ZNF609: variants seen among roughly 807,000 people sequenced by gnomAD.
The protein encoded by ZNF609 is zinc finger protein 609.
In ZNF609, 11 loss-of-function variants were observed where a neutral mutation model predicts 109.5. The observed-to-expected ratio is 0.10, with a 90% CI of 0.06 to 0.17. ZNF609 has a LOEUF of 0.17. Among genes scored for constraint, ZNF609 ranks in the 10% least tolerant of loss-of-function variants. ZNF609 has a pLI of 1.00. For missense variants in ZNF609, 1,559 were observed against 1,772.4 expected, an observed-to-expected ratio of 0.88 and a Z score of 2.16; for synonymous variants, 646 against 662.0, an observed-to-expected ratio of 0.98 and a Z score of 0.37.
At chr15:64,492,087 CAA>C (rs1169949024) in intron 1 of ZNF609, among the ~76,000 whole-genome samples, 1 of 151,490 alleles carries the variant, frequency 6.6e-6, no homozygotes. Context: ...ACTAAAAGTA[CAA>C]AAAATTAGCC....
At chr15:64,585,414 T>A (rs1271717870) in intron 2 of ZNF609, among the ~76,000 whole-genome samples, 1 of 152,202 alleles carries the variant, frequency 6.6e-6, no homozygotes, top group Non-Finnish European at 1.5e-5. Context: ...AATGGTCTTA[T>A]GCTGAGGGTA....
chr15:64,600,542 A>G (rs956781848), intron 2 of ZNF609, among the ~76,000 whole-genome samples: 2 of 150,734 alleles, frequency 1.3e-5, no homozygotes, highest in African/African-American at 4.9e-5. Context: ...AGGCTGAGGC[A>G]CAAGAATCAC....
At position 64,676,525 on chromosome 15, in the gene ZNF609, G is replaced by A. The variant is rs1896812730; in HGVS notation, c.3402+269G>A. ...GGCTCACTACAACCTCCGCCTCCCA[G>A]GTTCAAGCAATTCTCCTGCCTCAGC... On this transcript the variant is annotated intron_variant, in intron 5 of 9. Transcript: ENST00000326648. Among the ~76,000 whole-genome samples, 8 of 152,198 alleles carry A rather than the reference G, an allele frequency of 5.3e-5. No homozygotes were observed. The South Asian group carries it at 1.7e-3, about 32-fold the overall frequency.
intron 2 of ZNF609, among the ~76,000 whole-genome samples, chr15:64,569,942 T>C (rs1049432451): frequency 2.0e-5 from 3 of 152,242 alleles, no homozygotes; most frequent in African/African-American, 7.2e-5. Flanking sequence ...TAAGCTTTAA[T>C]TTATTGCTCT....
At chr15:64,509,542 A>T (rs963842493) in intron 2 of ZNF609, among the ~76,000 whole-genome samples, 1 of 152,246 alleles carries the variant, frequency 6.6e-6, no homozygotes, top group African/African-American at 2.4e-5. Context: ...CAATGAATTT[A>T]TGATAGCTAA....
chr15:64,586,286 A>G (rs1197580596), intron 2 of ZNF609, among the ~76,000 whole-genome samples: 1 of 151,150 alleles, frequency 6.6e-6, no homozygotes, highest in African/African-American at 2.4e-5. Flanking sequence ...AGATCGCGCC[A>G]TTGCACTCTA....
chr15:64,553,165 G>C (rs1005601105), intron 2 of ZNF609, among the ~76,000 whole-genome samples: 1 of 151,596 alleles, frequency 6.6e-6, no homozygotes, highest in African/African-American at 2.4e-5. Flanking sequence ...TATAATAAAT[G>C]TTGAAGTCAT....
intron 3 of ZNF609, among the ~76,000 whole-genome samples, chr15:64,663,496 G>C (rs568385169): frequency 2.8e-4 from 43 of 152,266 alleles, no homozygotes; most frequent in African/African-American, 9.9e-4. Flanking sequence ...TCTCCATTTA[G>C]ACGTCCAATG....
intron 2 of ZNF609, among the ~76,000 whole-genome samples, chr15:64,570,311 A>G (rs1311923416): frequency 6.6e-6 from 1 of 152,240 alleles, no homozygotes; most frequent in Non-Finnish European, 1.5e-5. Context: ...ACTACCTCTC[A>G]TTATATCTTT....
chr15:64,516,523 G>A (rs1472295099), intron 2 of ZNF609, among the ~76,000 whole-genome samples: 3 of 152,014 alleles, frequency 2.0e-5, no homozygotes, highest in African/African-American at 4.8e-5. Flanking sequence ...ACAGGCATGC[G>A]CCACCACCCA....
intron 3 of ZNF609, among the ~76,000 whole-genome samples, chr15:64,668,613 A>G (rs1310248545): frequency 6.6e-6 from 1 of 152,134 alleles, no homozygotes; most frequent in Non-Finnish European, 1.5e-5. Context: ...CTTGAGCCCG[A>G]GTTTGAGCCC....
At chr15:64,627,675 T>TTTC (rs1409018022) in intron 3 of ZNF609, among the ~76,000 whole-genome samples, 2 of 141,078 alleles carry the variant, frequency 1.4e-5, no homozygotes, top group Non-Finnish European at 3.1e-5. Flanking sequence ...TTTTTTTTTT[T>TTTC]TTTTTTTTTT....
At chr15:64,607,203 T>C (rs568104966) in intron 2 of ZNF609, among the ~76,000 whole-genome samples, 1 of 151,616 alleles carries the variant, frequency 6.6e-6, no homozygotes, top group Non-Finnish European at 1.5e-5. Flanking sequence ...AAATAAATAA[T>C]AGAACTATCA....
chr15:64,562,615 A>G (rs934803761), intron 2 of ZNF609, among the ~76,000 whole-genome samples: 13 of 152,128 alleles, frequency 8.5e-5, no homozygotes, highest in Admixed American at 7.9e-4. Context: ...ATATAATTAT[A>G]TTACACTTCT....
Position 64,681,429 on chromosome 15 carries a change from G to A in ZNF609, c.*5+42G>A, listed in dbSNP as rs775975321. On this transcript the variant is annotated intron_variant, in intron 9 of 9. Transcript: ENST00000326648. ...AATTTGGGGCAACACATAAAGCCGG[G>A]ATAGTTGCTACCTGGATCACAGAAT... The A allele has an allele frequency of 4.6e-6, 7 of 1,527,716 alleles. No homozygotes were observed. The South Asian group carries it at 6.7e-5, about 15-fold the overall frequency. 94.6% of individuals were successfully genotyped at this position (1,527,716 alleles called of 1,614,324 possible).
At chr15:64,462,202 A>T (rs1052617503) in intron 1 of ZNF609, among the ~76,000 whole-genome samples, 2 of 152,188 alleles carry the variant, frequency 1.3e-5, no homozygotes, top group African/African-American at 4.8e-5. Context: ...GTGAGGAACA[A>T]TGCAGAGCTC....
rs577610424 is a variant in ZNF609, at chr15:64,530,200, G to C, written c.747+30034G>C. Among the ~76,000 whole-genome samples the C allele has an allele frequency of 3.3e-5, 5 of 152,226 alleles. No homozygotes were observed. The South Asian group carries it at 1.0e-3, about 32-fold the overall frequency. ...TGGCTAATTTTTGTATTTTTTGGTA[G>C]AGATGGGGTTTCATCATGTTGGCCA... is the stretch of plus-strand genomic sequence containing the variant. On this transcript the variant is annotated intron_variant, in intron 2 of 9. Transcript: ENST00000326648.
intron 2 of ZNF609, chr15:64,501,696 T>C (rs1271859053): frequency 6.6e-6 from 1 of 152,234 alleles, no homozygotes; most frequent in East Asian, 1.9e-4. Flanking sequence ...TTGCCATATA[T>C]CCATATTCAT....
chr15:64,664,233 T>A (rs112880859), intron 3 of ZNF609, among the ~76,000 whole-genome samples: 1,639 of 151,710 alleles, frequency 0.011, 29 homozygotes, highest in African/African-American at 0.035. Flanking sequence ...GTCTCAAAAA[T>A]AATAATAATA....
Sources: gnomAD v4.1 joint callset for allele counts (sites outside exome capture counted in the v4.1 genomes callset) on GRCh38, gnomAD v4.1.1 for gene constraint, MANE v1.5 for transcripts, NCBI Gene and HGNC (gene_info 2026-07-23, HGNC 2026-07-21) for gene names.